The following ZIC4 variants were observed in gnomAD, a reference collection of about 807,000 sequenced individuals.
ZIC4 encodes the protein Zic family zinc finger 4.
ZIC4 carries 15 observed loss-of-function variants against 28.8 expected under a neutral mutation model. The observed-to-expected ratio is 0.52, with a 90% confidence interval of 0.35 to 0.80. The LOEUF is 0.80. Ranked by LOEUF, ZIC4 falls within the 30% of genes least tolerant of loss-of-function variation. The probability of loss-of-function intolerance (pLI) is 0.01; values close to 1 mark genes in which losing one functional copy is unlikely to be tolerated. For missense variants in ZIC4, 512 were observed against 467.1 expected, an observed-to-expected ratio of 1.10 and a Z score of -0.89; for synonymous variants, 220 against 198.1, an observed-to-expected ratio of 1.11 and a Z score of -0.93.
intron 2 of ZIC4, among the ~76,000 whole-genome samples, chr3:147,402,257 G>A (rs1240509234): frequency 6.6e-6 from 1 of 152,200 alleles, no homozygotes; most frequent in African/African-American, 2.4e-5. Flanking sequence ...CCACATTGCA[G>A]AAGGCTGGTA....
chr3:147,400,185 C>A (rs1286126509), intron 2 of ZIC4, among the ~76,000 whole-genome samples: 1 of 152,152 alleles, frequency 6.6e-6, no homozygotes, highest in East Asian at 1.9e-4. Context: ...AATAAAGAGG[C>A]ATTTTTTTCT....
rs2086980100 is a variant in ZIC4, at chr3:147,393,844, C to A, written c.688+2008G>T. The A allele has an allele frequency of 1.3e-5, 6 of 455,808 alleles. No homozygotes were observed. In the Admixed American group the frequency reaches 1.4e-4, roughly 11 times the overall value. 28.2% of individuals were successfully genotyped at this position (455,808 alleles called of 1,614,324 possible). A position where few individuals can be genotyped will look rare whatever the true frequency, so the allele number is the denominator to read the frequency against. On this transcript the variant is annotated intron_variant, in intron 3 of 4. Coordinates refer to ENST00000383075, the MANE Select transcript of ZIC4 (RefSeq NM_032153.6). Reference sequence around the variant, plus strand: ...CGAGCGCGGTTGCTGGCCCGCGCCTCCCTCCCCGAGGCACCATTGTTCCGG... The same window carrying A: ...CGAGCGCGGTTGCTGGCCCGCGCCTACCTCCCCGAGGCACCATTGTTCCGG...
intron 3 of ZIC4, chr3:147,392,206 C>G (rs2086940204): frequency 1.0e-6 from 1 of 985,608 alleles, no homozygotes. Flanking sequence ...AGGTGTCTAC[C>G]GCAACCACGC....
Position 147,405,261 on chromosome 3 carries a change from G to C in ZIC4, c.-16+1102C>G. ...AGGCTGGGCATTTAGCCCTCCCTTTGAATCACCCCTCCCCCAACCTGCAGG... is the reference window on the plus strand; with the variant it reads ...AGGCTGGGCATTTAGCCCTCCCTTTCAATCACCCCTCCCCCAACCTGCAGG... On this transcript the variant is annotated intron_variant, in intron 1 of 4. Coordinates refer to ENST00000383075, the MANE Select transcript of ZIC4 (RefSeq NM_032153.6). 4 of 1,043,184 alleles carry C rather than the reference G, an allele frequency of 3.8e-6. No individual in the cohort carries two copies. The South Asian group carries it at 5.0e-5, about 13-fold the overall frequency. The allele number at this position is 1,043,184 out of a possible 1,614,324, so 64.6% of individuals were successfully genotyped here.
chr3:147,393,786 C>T (rs1416650924), intron 3 of ZIC4: 2 of 434,650 alleles, frequency 4.6e-6, no homozygotes, highest in Admixed American at 2.5e-5. Context: ...GCCGAGGGGT[C>T]CCTGGAGAGG....
chr3:147,404,113 C>T (rs1399455315), intron 1 of ZIC4: 11 of 1,535,488 alleles, frequency 7.2e-6, no homozygotes, highest in South Asian at 1.2e-5. Context: ...GGCGTCCTCG[C>T]TCTGAAATTT....
At chr3:147,392,538 T>C (rs545170605) in intron 3 of ZIC4, 1 of 715,184 alleles carries the variant, frequency 1.4e-6, no homozygotes, top group East Asian at 1.3e-4. Context: ...TTCTGGGCGC[T>C]TTAAACAAAT....
intron 1 of ZIC4, among the ~76,000 whole-genome samples, chr3:147,403,073 T>G (rs1025578295): frequency 6.6e-6 from 1 of 152,176 alleles, no homozygotes. Context: ...GAAACTCCTT[T>G]GTTGTTTTTT....
At chr3:147,391,888 G>C in intron 3 of ZIC4, 1 of 867,576 alleles carries the variant, frequency 1.2e-6, no homozygotes, top group Non-Finnish European at 1.4e-6. Flanking sequence ...CTTCAGAAGA[G>C]ATTTTTACAG....
intron 1 of ZIC4, chr3:147,406,117 A>G (rs1341739652): frequency 1.3e-5 from 2 of 156,712 alleles, no homozygotes; most frequent in African/African-American, 4.8e-5. Flanking sequence ...GGAAGAAGGG[A>G]TGGACTCATC....
chr3:147,405,538 C>T, intron 1 of ZIC4: 1 of 1,480,912 alleles, frequency 6.8e-7, no homozygotes. Context: ...AGCTCTATTC[C>T]CTCCTCATTG....
rs958350424 is a variant in ZIC4 at position 147,391,045 on chromosome 3, C to T, written c.890G>A (p.Gly297Asp). The T allele has an allele frequency of 1.9e-6, 3 of 1,613,902 alleles. No individual in the cohort carries two copies. Among genetic ancestry groups the T allele is most frequent in the Non-Finnish European group, 2.5e-6 (3 of 1,179,974 alleles). ...GGCAGACGGTGTAGCCGAATCGTAG[C>T]CAGAGCTGGGCGGCGGCGAGCGCCC... ...VHGRSPPPSS[G>D]YDSATPSALV... The change falls in exon 4 of 5, where the codon GGC becomes GAC. Residue 297 changes from glycine to aspartate, a missense_variant. Coordinates refer to ENST00000383075, the MANE Select transcript of ZIC4 (RefSeq NM_032153.6).
chr3:147,403,909 T>A (rs572585152), intron 1 of ZIC4: 1 of 1,488,470 alleles, frequency 6.7e-7, no homozygotes, highest in African/African-American at 1.4e-5. Context: ...GCTTTTACCC[T>A]TCCATCTCCC....
chr3:147,400,230 A>G (rs1020963399), intron 2 of ZIC4, among the ~76,000 whole-genome samples: 2 of 152,190 alleles, frequency 1.3e-5, no homozygotes, highest in African/African-American at 4.8e-5. Flanking sequence ...AATTCTAACC[A>G]CTGACTCTCT....
chr3:147,388,597 A>G lies in ZIC4; in HGVS notation c.*262T>C, dbSNP rs1262700314. 4.7e-6 allele frequency: 2 copies of G among 424,350 alleles called. No homozygotes were observed. The allele number at this position is 424,350 out of a possible 1,614,324, so 26.3% of individuals were successfully genotyped here. A position where few individuals can be genotyped will look rare whatever the true frequency, so the allele number is the denominator to read the frequency against. ...ATGATTTAGTCCGCGTCAAACAAAA[A>G]TATATACTTGTATACACAAGAAAAA... On this transcript the variant is annotated 3_prime_UTR_variant, in exon 5 of 5. Coordinates refer to ENST00000383075, the MANE Select transcript of ZIC4 (RefSeq NM_032153.6).
chr3:147,396,772 TG>T lies in ZIC4; in HGVS notation c.71-304del. ...GCGCAGGGCTGAGTCTGTGGGTTGCTGGGGGTTCTGCTCCAGAGGGGTAGGA... is the reference window on the plus strand; with the variant it reads ...GCGCAGGGCTGAGTCTGTGGGTTGCTGGGGTTCTGCTCCAGAGGGGTAGGA... On this transcript the variant is annotated intron_variant, in intron 2 of 4. Transcript: ENST00000383075. This position sits in a 1 kb window ranked among gnomAD's most constrained non-coding sequence, Gnocchi z 4.2. 6.5e-6 allele frequency: 2 copies of T among 309,190 alleles called. No homozygotes were observed. The highest frequency in any genetic ancestry group is 5.3e-5 in the East Asian group (1 of 18,786). The allele number at this position is 309,190 out of a possible 1,614,324, so 19.2% of individuals were successfully genotyped here. A position where few individuals can be genotyped will look rare whatever the true frequency, so the allele number is the denominator to read the frequency against.
chr3:147,403,454 A>C (rs2107984679), intron 1 of ZIC4: 1 of 153,226 alleles, frequency 6.5e-6, no homozygotes, highest in Admixed American at 6.5e-5. Flanking sequence ...TTTGGTTCAA[A>C]TCATCCACAT....
At chr3:147,403,838 A>G in intron 1 of ZIC4, 1 of 993,564 alleles carries the variant, frequency 1.0e-6, no homozygotes, top group South Asian at 1.8e-5. Flanking sequence ...CTCTATGCAC[A>G]AAGATCTCTC....
rs1214900136 is a variant in ZIC4, at chr3:147,391,068, C to T, written c.867G>A (p.Gly289=). Reference sequence around the variant, plus strand: ...AGCCAGAGCTGGGCGGCGGCGAGCGCCCGTGCACCTTCATGTGCTTACGCA... The same window carrying T: ...AGCCAGAGCTGGGCGGCGGCGAGCGTCCGTGCACCTTCATGTGCTTACGCA... ...SSLRKHMKVH[G]RSPPPSSGYD... is the part of the protein sequence containing the mutation. Residue 289 remains glycine, a synonymous_variant, in exon 4 of 5, where the codon GGG becomes GGA. Transcript: ENST00000383075. 1 of 1,613,824 alleles carries T rather than the reference C, an allele frequency of 6.2e-7. No homozygotes were observed. The highest frequency in any genetic ancestry group is 8.5e-7 in the Non-Finnish European group (1 of 1,180,044).
Sources: allele counts gnomAD v4.1 joint callset (sites outside exome capture counted in the v4.1 genomes callset), GRCh38; gene constraint gnomAD v4.1.1; non-coding constraint Gnocchi (gnomAD v3.1); transcripts MANE v1.5; gene names NCBI Gene and HGNC (gene_info 2026-07-23, HGNC 2026-07-21).